SMARCC1: variants seen among roughly 807,000 people sequenced by gnomAD.
The protein encoded by SMARCC1 is SWI/SNF related BAF chromatin remodeling complex subunit C1.
A neutral mutation model predicts 147.4 loss-of-function variants in SMARCC1; 43 were observed. The ratio of observed to expected loss-of-function variants is 0.29; its 90% CI spans 0.23 to 0.38. The LOEUF (loss-of-function observed/expected upper bound fraction) is 0.38. Ranked by LOEUF, SMARCC1 falls within the 10% of genes least tolerant of loss-of-function variation. SMARCC1 has a pLI of 1.00. For missense variants in SMARCC1, 1,119 were observed against 1,381.1 expected (o/e 0.81, Z 3.01); for synonymous variants, 495 against 484.4 (o/e 1.02, Z -0.29).
chr3:47,611,400 T>C (rs1384199151), intron 25 of SMARCC1, among the ~76,000 whole-genome samples: 3 of 152,162 alleles, frequency 2.0e-5, no homozygotes, highest in Non-Finnish European at 4.4e-5. Context: ...ACAGTAAAAT[T>C]TGAAGACTTA....
At chr3:47,624,425 C>T (rs2032778193) in intron 24 of SMARCC1, among the ~76,000 whole-genome samples, 1 of 152,010 alleles carries the variant, frequency 6.6e-6, no homozygotes, top group Admixed American at 6.6e-5. Flanking sequence ...GGCACCCTCC[C>T]AAAAAAACAG....
chr3:47,685,966 TG>T, intron 14 of SMARCC1, 82 bp downstream of exon 14: 1 of 1,096,406 alleles, frequency 9.1e-7, no homozygotes. Flanking sequence ...ATAAGGAACA[TG>T]GGCAGAAAGG....
intron 2 of SMARCC1, among the ~76,000 whole-genome samples, chr3:47,767,035 T>A (rs2034848157): frequency 6.6e-6 from 1 of 151,656 alleles, no homozygotes; most frequent in African/African-American, 2.4e-5. Flanking sequence ...AAAACAAAAT[T>A]AGCCGGGCGT....
Position 47,686,112 on chromosome 3 carries a change from T to A in SMARCC1, c.1322A>T (p.Asn441Ile), listed in dbSNP as rs142279688. The A allele has an allele frequency of 4.0e-5, 65 of 1,612,422 alleles. No homozygotes were observed. Among genetic ancestry groups the A allele is most frequent in the Non-Finnish European group, 5.5e-5 (65 of 1,178,646 alleles). ...QSRSVDLGED[N>I]VTEQTNHIII... ...AATGTGATTGGTCTGCTCTGTCACA[T>A]TATCTTCCCCAAGGTCAACTGATCG... The change falls in exon 14 of 28, where the codon AAT becomes ATT. Residue 441 changes from asparagine (N) to isoleucine (I), a missense_variant. By Grantham distance (149) the Asn-to-Ile change is moderately radical. Around this residue, in one of 6 missense-constraint regions of SMARCC1, gnomAD observed 542 missense variants for 611.8 expected, o/e 0.89. Transcript: ENST00000254480.
intron 11 of SMARCC1, 35 bp downstream of exon 11, chr3:47,701,243 T>C (rs2033914888): frequency 6.3e-7 from 1 of 1,595,536 alleles, no homozygotes; most frequent in East Asian, 2.2e-5. Flanking sequence ...AATGACTAAA[T>C]TAAATCTAAC....
chr3:47,728,629 G>A (rs955819863), intron 6 of SMARCC1, among the ~76,000 whole-genome samples: 1 of 152,140 alleles, frequency 6.6e-6, no homozygotes, highest in Non-Finnish European at 1.5e-5. Flanking sequence ...AATGTTGGCT[G>A]GGCGCAGTGG....
chr3:47,740,389 G>T (rs1485743602), intron 3 of SMARCC1, among the ~76,000 whole-genome samples: 1 of 151,364 alleles, frequency 6.6e-6, no homozygotes, highest in African/African-American at 2.4e-5. Context: ...TAGAGACGGG[G>T]TTTCATCATA....
At chr3:47,722,530 C>T (rs2034245485) in intron 6 of SMARCC1, among the ~76,000 whole-genome samples, 1 of 151,964 alleles carries the variant, frequency 6.6e-6, no homozygotes, top group Non-Finnish European at 1.5e-5. Flanking sequence ...CTCCTGACCT[C>T]AGGTGATCTA....
At chr3:47,598,896 AAGAC>A (rs2032343290) in intron 26 of SMARCC1, among the ~76,000 whole-genome samples, 2 of 149,776 alleles carry the variant, frequency 1.3e-5, no homozygotes, top group South Asian at 2.1e-4. Flanking sequence ...CACAGAGACA[AAGAC>A]AGAGAGAGAA....
At chr3:47,649,952 C>T (rs1367696898) in intron 21 of SMARCC1, among the ~76,000 whole-genome samples, 1 of 152,110 alleles carries the variant, frequency 6.6e-6, no homozygotes, top group African/African-American at 2.4e-5. Context: ...ATTTAGGCTA[C>T]AAAGAATCAT....
intron 7 of SMARCC1, among the ~76,000 whole-genome samples, chr3:47,716,192 A>AC (rs1322768424): frequency 2.0e-5 from 3 of 151,734 alleles, no homozygotes; most frequent in Non-Finnish European, 4.4e-5. Context: ...AAGGCAGTGG[A>AC]CCACCTGAAG....
chr3:47,650,832 T>A (rs1005339284), intron 21 of SMARCC1, among the ~76,000 whole-genome samples: 14 of 151,582 alleles, frequency 9.2e-5, no homozygotes, highest in African/African-American at 2.7e-4. Flanking sequence ...AAAATAAAAA[T>A]AAATAAAGAA....
intron 2 of SMARCC1, among the ~76,000 whole-genome samples, chr3:47,754,454 G>A (rs1266530496): frequency 1.3e-5 from 2 of 152,052 alleles, no homozygotes; most frequent in East Asian, 3.9e-4. Context: ...ACCAGCCTCG[G>A]CCTCCCAAAG....
chr3:47,643,416 T>G (rs1304450553), intron 21 of SMARCC1, among the ~76,000 whole-genome samples: 1 of 151,902 alleles, frequency 6.6e-6, no homozygotes, highest in African/African-American at 2.4e-5. Context: ...AATGGATAAT[T>G]AAACTGGATT....
chr3:47,744,496 C>A (rs1326666609), intron 3 of SMARCC1, among the ~76,000 whole-genome samples: 1 of 152,142 alleles, frequency 6.6e-6, no homozygotes, highest in Non-Finnish European at 1.5e-5. Context: ...TAATTACACA[C>A]TTGTCCTTAT....
intron 4 of SMARCC1, among the ~76,000 whole-genome samples, chr3:47,737,549 T>C (rs1358671851): frequency 6.6e-6 from 1 of 152,162 alleles, no homozygotes; most frequent in East Asian, 1.9e-4. Flanking sequence ...CAAACACCCA[T>C]AAAAATAATA....
chr3:47,737,872 C>A (rs1425319215), intron 4 of SMARCC1, among the ~76,000 whole-genome samples, 157 bp downstream of exon 4: 1 of 150,446 alleles, frequency 6.6e-6, no homozygotes, highest in Non-Finnish European at 1.5e-5. Context: ...CCGTGTTAGC[C>A]AGGATGGTCT....
intron 2 of SMARCC1, among the ~76,000 whole-genome samples, chr3:47,771,592 T>C (rs540590761): frequency 9.2e-4 from 139 of 151,578 alleles, no homozygotes; most frequent in African/African-American, 3.2e-3. Context: ...ATACAAAAAT[T>C]AGCCAGGTGC....
chr3:47,663,757 G>A, intron 19 of SMARCC1: 1 of 1,525,996 alleles, frequency 6.6e-7, no homozygotes, highest in Non-Finnish European at 9.1e-7. Context: ...AGAACCCGGT[G>A]GTACCCATAG....
Sources: allele counts gnomAD v4.1 joint callset (sites outside exome capture counted in the v4.1 genomes callset), GRCh38; gene constraint gnomAD v4.1.1; regional missense constraint gnomAD v4.1.1; transcripts MANE v1.5; gene names NCBI Gene and HGNC (gene_info 2026-07-23, HGNC 2026-07-21).